Variants in DUS4L observed in about 807,000 individuals in gnomAD.
The protein encoded by DUS4L is dihydrouridine synthase 4 like.
In DUS4L, 31 loss-of-function variants were observed where a neutral mutation model predicts 33.8. The ratio of observed to expected loss-of-function variants is 0.92; its 90% CI spans 0.69 to 1.24. The LOEUF is 1.24. Among genes scored for constraint, DUS4L ranks in the 50% most tolerant of loss-of-function variants. DUS4L has a pLI of 0.00. For synonymous variants in DUS4L, 103 were observed against 120.3 expected, an observed-to-expected ratio of 0.86 and a Z score of 0.94; for missense variants, 368 against 388.6, an observed-to-expected ratio of 0.95 and a Z score of 0.45.
intron 3 of DUS4L, chr7:107,567,615 ATTGAG>A (rs1450219922): frequency 7.8e-6 from 2 of 256,108 alleles, no homozygotes; most frequent in South Asian, 4.4e-5. Flanking sequence ...CTCTTTTACT[ATTGAG>A]TTTTTTTAGA....
chr7:107,564,761 A>C (rs1486553719), intron 2 of DUS4L, 85 bp downstream of exon 2: 1 of 152,218 alleles, frequency 6.6e-6, no homozygotes, highest in Non-Finnish European at 1.5e-5. Flanking sequence ...CTGATAAATT[A>C]ACAGGGTCAG....
At position 107,576,380 on chromosome 7, in the gene DUS4L, T is replaced by G. The variant is rs1157613565; in HGVS notation, c.494T>G (p.Leu165Arg). The change falls in exon 7 of 8, where the codon CTT (leucine) becomes CGT (arginine). Residue 165 changes from leucine (L) to arginine (R), a missense_variant. Leu to Arg is a moderately radical substitution (Grantham distance 102). Transcript: ENST00000265720. ...TGAAATTGTAGGATCCATGATGACC[T>G]TAAAAGAACTGTAGATCTTTGTCAA... is the stretch of plus-strand genomic sequence containing the variant. ...VSIKIRIHDD[L>R]KRTVDLCQKA... 4.4e-6 allele frequency: 7 copies of G among 1,606,636 alleles called. No individual in the cohort carries two copies. Among genetic ancestry groups the G allele is most frequent in the Non-Finnish European group, 5.9e-6 (7 of 1,178,362 alleles).
chr7:107,574,790 T>C, intron 5 of DUS4L: 1 of 283,190 alleles, frequency 3.5e-6, no homozygotes, highest in South Asian at 3.3e-5. Context: ...ATTAGCTGTT[T>C]AGTGGTATTG....
In DUS4L at chr7:107,577,447, C is replaced by T. The variant is rs770303213; in HGVS notation, c.841C>T (p.His281Tyr). ...GACTCCTTACATGTGTTTCCATCAACATTTAATGTACATGATGGAAAAGAT... is the reference window on the plus strand; with the variant it reads ...GACTCCTTACATGTGTTTCCATCAATATTTAATGTACATGATGGAAAAGAT... ...LGTPYMCFHQ[H>Y]LMYMMEKITS... Residue 281 changes from histidine to tyrosine, a missense_variant, in exon 8 of 8, where the codon CAT becomes TAT. His to Tyr is a moderately conservative substitution (Grantham distance 83). Transcript: ENST00000265720. The T allele has an allele frequency of 2.5e-6, 4 of 1,614,078 alleles. No homozygotes were observed. The Admixed American group carries it at 6.7e-5, about 27-fold the overall frequency.
rs1805842034 is a variant in DUS4L at position 107,577,320 on chromosome 7, G to A, written c.714G>A (p.Met238Ile). The A allele has an allele frequency of 5.0e-6, 8 of 1,613,924 alleles. No individual in the cohort carries two copies. Among genetic ancestry groups the A allele is most frequent in the Non-Finnish European group, 6.8e-6 (8 of 1,179,992 alleles). The change falls in exon 8 of 8, where the codon ATG (methionine) becomes ATA (isoleucine). Residue 238 changes from methionine to isoleucine, a missense_variant. By Grantham distance (10) the Met-to-Ile change is conservative. Coordinates refer to ENST00000265720, the MANE Select transcript of DUS4L (RefSeq NM_181581.3). ...GTGTGCTTTAATTTGTAGGTGTGAT[G>A]GTTGCAAGAGGACTCTTAGCAAACC... Reference protein sequence around the residue: ...VWRITGTDGVMVARGLLANPA... With the variant: ...VWRITGTDGVIVARGLLANPA...
rs545928473 is a variant in DUS4L, at chr7:107,565,800, C to T, written c.-22+1124C>T. ...TTGGCCTCCCAAAATGCTGAGTTTACAGGTGTGAGCCCAGTCCCCTGAAAC... is the reference window on the plus strand; with the variant it reads ...TTGGCCTCCCAAAATGCTGAGTTTATAGGTGTGAGCCCAGTCCCCTGAAAC... On this transcript the variant is annotated intron_variant, in intron 2 of 7. Coordinates refer to ENST00000265720, the MANE Select transcript of DUS4L (RefSeq NM_181581.3). 9.2e-5 allele frequency among the ~76,000 whole-genome samples: 14 copies of T among 152,296 alleles called. No individual in the cohort carries two copies. The East Asian group carries it at 2.1e-3, about 23-fold the overall frequency.
At position 107,566,872 on chromosome 7, in the gene DUS4L, A is replaced by G. The variant is rs926652578; in HGVS notation, c.-21-178A>G. ...GTTTTCCACATCTATTTATCTTACAAATAGAGGCAGCATTCTATAGTATCA... is the reference window on the plus strand; with the variant it reads ...GTTTTCCACATCTATTTATCTTACAGATAGAGGCAGCATTCTATAGTATCA... On this transcript the variant is annotated intron_variant, in intron 2 of 7. Coordinates refer to ENST00000265720, the MANE Select transcript of DUS4L (RefSeq NM_181581.3). 3.3e-5 allele frequency among the ~76,000 whole-genome samples: 5 copies of G among 152,174 alleles called. No individual in the cohort carries two copies. In the East Asian group the frequency reaches 9.6e-4, roughly 29 times the overall value.
Position 107,567,099 on chromosome 7 carries a change from T to C in DUS4L, c.29T>C (p.Ile10Thr). The change falls in exon 3 of 8, where the codon ATA becomes ACA. Residue 10 changes from isoleucine (I) to threonine (T), a missense_variant. Transcript: ENST00000265720. The part of the protein sequence containing the change: MKSDCMQTT[I>T]CQERKKDPIE... ...AAGAGTGACTGCATGCAAACGACAA[T>C]ATGTCAGGAAAGAAAAAAAGATCCC... The C allele has an allele frequency of 6.2e-7, 1 of 1,613,528 alleles. No homozygotes were observed. The highest frequency in any genetic ancestry group is 8.5e-7 in the Non-Finnish European group (1 of 1,179,658).
chr7:107,573,724 C>G lies in DUS4L; in HGVS notation c.259C>G (p.Gln87Glu). Residue 87 changes from glutamine (Q) to glutamate (E), a missense_variant, in exon 5 of 8, where the codon CAG (glutamine) becomes GAG (glutamate). Gln to Glu is a conservative substitution (Grantham distance 29). Transcript: ENST00000265720. The stretch of plus-strand genomic sequence containing the variant: ...GTCAGGTGATTGCCCATTGATTGTT[C>G]AGTTTGCTGCTAACGATGCAAGACT... ...TNQGDCPLIV[Q>E]FAANDARLLS... 6.2e-7 allele frequency: 1 copy of G among 1,608,904 alleles called. No individual in the cohort carries two copies. The highest frequency in any genetic ancestry group is 2.2e-5 in the East Asian group (1 of 44,504).
chr7:107,578,453 T>C lies in DUS4L; in HGVS notation c.*893T>C, dbSNP rs1184367359. 6.6e-6 allele frequency: 1 copy of C among 152,224 alleles called. No individual in the cohort carries two copies. The highest frequency in any genetic ancestry group is 1.9e-4 in the East Asian group (1 of 5,204). 9.4% of individuals were successfully genotyped at this position (152,224 alleles called of 1,614,324 possible). On this transcript the variant is annotated 3_prime_UTR_variant, in exon 8 of 8. Coordinates refer to ENST00000265720, the MANE Select transcript of DUS4L (RefSeq NM_181581.3). Reference sequence around the variant, plus strand: ...TTTGTTTTGCCAACATGAAAACTGTTATAAGGAAACAATTATGTAAAACTG... The same window carrying C: ...TTTGTTTTGCCAACATGAAAACTGTCATAAGGAAACAATTATGTAAAACTG...
chr7:107,565,664 C>T (rs1472914546), intron 2 of DUS4L, among the ~76,000 whole-genome samples: 2 of 152,110 alleles, frequency 1.3e-5, no homozygotes, highest in East Asian at 3.9e-4. Context: ...GTTGGGATCA[C>T]AGTCGCTTGC....
chr7:107,572,487 C>G (rs1462155866), intron 4 of DUS4L, among the ~76,000 whole-genome samples: 1 of 152,188 alleles, frequency 6.6e-6, no homozygotes, highest in Non-Finnish European at 1.5e-5. Context: ...GTTTATAACA[C>G]TGACCCAAGG....
chr7:107,566,951 C>T (rs1199740311), intron 2 of DUS4L, 99 bp from the exon 3 acceptor site: 7 of 830,488 alleles, frequency 8.4e-6, no homozygotes, highest in Non-Finnish European at 1.3e-5. Context: ...AGCCCACAAG[C>T]CTGATAAAAA....
At chr7:107,575,164 T>G in intron 5 of DUS4L, 24 bp from the exon 6 acceptor site, 1 of 1,606,046 alleles carries the variant, frequency 6.2e-7, no homozygotes, top group Non-Finnish European at 8.5e-7. Flanking sequence ...ATAATTCACT[T>G]GTTCATGTGT....
intron 4 of DUS4L, among the ~76,000 whole-genome samples, chr7:107,572,376 G>T (rs969199757): frequency 6.6e-6 from 1 of 152,136 alleles, no homozygotes; most frequent in Non-Finnish European, 1.5e-5. Context: ...TCTTGAATCA[G>T]TGCAACTAGG....
chr7:107,576,757 C>G (rs1272183333), intron 7 of DUS4L, 165 bp downstream of exon 7: 2 of 618,470 alleles, frequency 3.2e-6, no homozygotes, highest in Non-Finnish European at 5.1e-6. Context: ...AGTTTTCTAC[C>G]TAGAAAAACA....
Position 107,575,176 on chromosome 7 carries a change from T to C in DUS4L, c.357-12T>C. The C allele has an allele frequency of 6.2e-7, 1 of 1,606,864 alleles. No homozygotes were observed. Among genetic ancestry groups the C allele is most frequent in the Non-Finnish European group, 8.5e-7 (1 of 1,178,494 alleles). On this transcript the variant is annotated splice_polypyrimidine_tract_variant and intron_variant, in intron 5 of 7. Coordinates refer to ENST00000265720, the MANE Select transcript of DUS4L (RefSeq NM_181581.3). ...TTTATAATTCACTTGTTCATGTGTTTGCTTTACAAAGGTGGGCAATGGCAG... is the reference window on the plus strand; with the variant it reads ...TTTATAATTCACTTGTTCATGTGTTCGCTTTACAAAGGTGGGCAATGGCAG...
rs1238052341 is a variant in DUS4L at position 107,577,723 on chromosome 7, T to C, written c.*163T>C. ...TTGTAGACACCACCCTCAGAGATTC[T>C]GATTAGGTAGATCTGGAGTAGACCC... is the stretch of plus-strand genomic sequence containing the variant. On this transcript the variant is annotated 3_prime_UTR_variant, in exon 8 of 8. Coordinates refer to ENST00000265720, the MANE Select transcript of DUS4L (RefSeq NM_181581.3). 3.0e-6 allele frequency: 2 copies of C among 673,694 alleles called. No individual in the cohort carries two copies. Among genetic ancestry groups the C allele is most frequent in the Non-Finnish European group, 2.4e-6 (1 of 418,880 alleles). The allele number at this position is 673,694 out of a possible 1,614,324, so 41.7% of individuals were successfully genotyped here.
At position 107,575,211 on chromosome 7, in the gene DUS4L, G is replaced by A; in HGVS notation, c.380G>A (p.Gly127Glu). The A allele has an allele frequency of 6.2e-7, 1 of 1,609,048 alleles. No individual in the cohort carries two copies. Among genetic ancestry groups the A allele is most frequent in the East Asian group, 2.2e-5 (1 of 44,730 alleles). ...PQRWAMAEGY[G>E]ACLINKPELV... ...AGGTGGGCAATGGCAGAAGGTTATG[G>A]GGCTTGCTTAATAAACAAGCCAGAG... is the stretch of plus-strand genomic sequence containing the variant. The change falls in exon 6 of 8, where the codon GGG (glycine) becomes GAG (glutamate). Residue 127 changes from glycine (G) to glutamate (E), a missense_variant. By Grantham distance (98) the Gly-to-Glu change is moderately conservative. Coordinates refer to ENST00000265720, the MANE Select transcript of DUS4L (RefSeq NM_181581.3).
Sources: gnomAD v4.1 joint callset for allele counts (sites outside exome capture counted in the v4.1 genomes callset) on GRCh38, gnomAD v4.1.1 for gene constraint, MANE v1.5 for transcripts, NCBI Gene and HGNC (gene_info 2026-07-23, HGNC 2026-07-21) for gene names.